Variants in SLC12A7 observed in about 807,000 individuals in gnomAD.
The protein encoded by SLC12A7 is K-Cl cotransporter 4.
Under a neutral mutation model 120.6 loss-of-function variants are expected in SLC12A7, and 100 were observed. The observed-to-expected ratio is 0.83, with a 90% CI of 0.71 to 0.98. The LOEUF is 0.98. SLC12A7 is among the 50% of genes least tolerant of loss of function. The pLI, the probability that SLC12A7 is intolerant of heterozygous loss-of-function variation, is 0.00. For synonymous variants in SLC12A7, 760 were observed against 678.0 expected (o/e 1.12, Z -1.88); for missense variants, 1,373 against 1,548.1 (o/e 0.89, Z 1.90).
At position 1,050,951 on chromosome 5, in the gene SLC12A7, C is replaced by A. The variant is rs1734969979; in HGVS notation, c.*1409G>T. 5 of 398,548 alleles carry A rather than the reference C, an allele frequency of 1.3e-5. No homozygotes were observed. Among genetic ancestry groups the A allele is most frequent in the Middle Eastern group, 6.2e-4 (1 of 1,610 alleles). The allele number at this position is 398,548 out of a possible 1,614,324, so 24.7% of individuals were successfully genotyped here. A position where few individuals can be genotyped will look rare whatever the true frequency, so the allele number is the denominator to read the frequency against. ...GATTCCCTTGGGAGACCATGCAAGCCAGACGTAGCCCAAGGCCTGGCCATC... is the reference window on the plus strand; with the variant it reads ...GATTCCCTTGGGAGACCATGCAAGCAAGACGTAGCCCAAGGCCTGGCCATC... On this transcript the variant is annotated 3_prime_UTR_variant, in exon 24 of 24. Coordinates refer to ENST00000264930, the MANE Select transcript of SLC12A7 (RefSeq NM_006598.3).
chr5:1,104,901 C>A (rs1463810856), intron 1 of SLC12A7, among the ~76,000 whole-genome samples: 2 of 152,270 alleles, frequency 1.3e-5, no homozygotes, highest in African/African-American at 4.8e-5. Context: ...CCCCGAGACC[C>A]CTGCAACGGC....
chr5:1,050,793 G>A lies in SLC12A7; in HGVS notation c.*1567C>T, dbSNP rs923262323. 9.8e-5 allele frequency: 39 copies of A among 398,464 alleles called. No homozygotes were observed. Among genetic ancestry groups the A allele is most frequent in the East Asian group, 3.6e-4 (10 of 28,066 alleles). The allele number at this position is 398,464 out of a possible 1,614,324, so 24.7% of individuals were successfully genotyped here. A position where few individuals can be genotyped will look rare whatever the true frequency, so the allele number is the denominator to read the frequency against. The stretch of plus-strand genomic sequence containing the variant: ...GAGGCTGTGGGAACTGCTGAGCCCC[G>A]CTGTGATGTCTGGGACACGCTCTGG... On this transcript the variant is annotated 3_prime_UTR_variant, in exon 24 of 24. Transcript: ENST00000264930.
At chr5:1,053,872 C>G (rs549423723) in intron 22 of SLC12A7, among the ~76,000 whole-genome samples, 1 of 152,258 alleles carries the variant, frequency 6.6e-6, no homozygotes. Context: ...AAGGCTGACA[C>G]GCTTCTCTTG....
intron 15 of SLC12A7, 29 bp downstream of exon 15, chr5:1,075,342 G>C (rs374931886): frequency 1.2e-6 from 2 of 1,601,886 alleles, no homozygotes; most frequent in Non-Finnish European, 1.7e-6. Context: ...CCGTGCGCCG[G>C]GTCTGTAAGG....
intron 4 of SLC12A7, 117 bp from the exon 5 acceptor site, chr5:1,088,477 G>A (rs1740134075): frequency 1.8e-6 from 2 of 1,102,378 alleles, no homozygotes; most frequent in Non-Finnish European, 1.3e-6. Context: ...CCCAACTCCA[G>A]GGCTCTCCAT....
intron 1 of SLC12A7, among the ~76,000 whole-genome samples, chr5:1,103,567 C>T (rs1742214738): frequency 6.6e-6 from 1 of 152,250 alleles, no homozygotes; most frequent in Non-Finnish European, 1.5e-5. Flanking sequence ...ACACAACACT[C>T]ACCTCGCAAA....
rs750984431 is a variant in SLC12A7, at chr5:1,085,361, G to A, written c.788C>T (p.Ala263Val). The A allele has an allele frequency of 2.5e-6, 4 of 1,612,480 alleles. No homozygotes were observed. The South Asian group carries it at 4.4e-5, about 18-fold the overall frequency. ...VYGTCTLVLM[A>V]LVVFVGVKYV... ...CTTGACGCCCACGAAGACCACCAGG[G>A]CCATGAGCACGAGCGTGCACGTGCC... The change falls in exon 7 of 24, where the codon GCC becomes GTC. Residue 263 changes from alanine (A) to valine (V), a missense_variant. Physicochemically the swap from Ala to Val is moderately conservative, Grantham distance 64. Transcript: ENST00000264930.
chr5:1,067,377 G>C lies in SLC12A7; in HGVS notation c.2242-1899C>G, dbSNP rs187956288. 4.1e-4 allele frequency among the ~76,000 whole-genome samples: 62 copies of C among 152,348 alleles called. 1 individual carries two copies. The East Asian group carries it at 0.011, about 27-fold the overall frequency. On this transcript the variant is annotated intron_variant, in intron 17 of 23. Transcript: ENST00000264930. The stretch of plus-strand genomic sequence containing the variant: ...GAAGGCACAGGGAAGCACCCGCATC[G>C]GGCGTCATGTGGGAAGAAGGCAGGA...
intron 3 of SLC12A7, 24 bp downstream of exon 3, chr5:1,093,509 C>T (rs1390749149): frequency 6.4e-7 from 1 of 1,567,162 alleles, no homozygotes. Context: ...GGGGACTGGG[C>T]GGGCACGGGC....
chr5:1,064,692 AGTGAGGGGACG>A (rs1187719352), intron 18 of SLC12A7, among the ~76,000 whole-genome samples: 1 of 148,476 alleles, frequency 6.7e-6, no homozygotes, highest in African/African-American at 2.5e-5. Context: ...GTGAAGGGAC[AGTGAGGGGACG>A]GTGAGGGGAC....
chr5:1,085,741 A>AGCGCACAGGCCG (rs1739795627), intron 6 of SLC12A7, among the ~76,000 whole-genome samples: 1 of 152,166 alleles, frequency 6.6e-6, no homozygotes, highest in Non-Finnish European at 1.5e-5. Flanking sequence ...CGCACAGGCC[A>AGCGCACAGGCCG]TGGACAGCCA....
intron 17 of SLC12A7, among the ~76,000 whole-genome samples, chr5:1,065,895 CCAG>C (rs1736997020): frequency 6.6e-6 from 1 of 151,842 alleles, no homozygotes; most frequent in Admixed American, 6.6e-5. Flanking sequence ...GCCGTGGGGT[CCAG>C]GATGCAGCAC....
chr5:1,118,563 G>A, the SLC12A7 span, among the ~76,000 whole-genome samples: 3 of 152,324 alleles, frequency 2.0e-5, no homozygotes, highest in South Asian at 2.1e-4. Context: ...TGCGAAGGCC[G>A]CCAAAGCCGT....
chr5:1,091,262 C>A (rs558381428), intron 3 of SLC12A7, among the ~76,000 whole-genome samples: 1 of 152,200 alleles, frequency 6.6e-6, no homozygotes, highest in Non-Finnish European at 1.5e-5. Flanking sequence ...ACAAACACAC[C>A]TGCCTGGACG....
At chr5:1,074,475 G>A (rs1738093804) in intron 16 of SLC12A7, 92 bp downstream of exon 16, 1 of 1,173,528 alleles carries the variant, frequency 8.5e-7, no homozygotes, top group Admixed American at 2.0e-5. Context: ...AAGGTGAGAG[G>A]CCCCTGAGAC....
chr5:1,140,049 C>T, the SLC12A7 span, among the ~76,000 whole-genome samples: 1 of 152,202 alleles, frequency 6.6e-6, no homozygotes, highest in Non-Finnish European at 1.5e-5. Context: ...TCCCAGGTCT[C>T]AGGGCATCAA....
At position 1,076,387 on chromosome 5, in the gene SLC12A7, T is replaced by C. The variant is rs980937828; in HGVS notation, c.1749-151A>G. The C allele has an allele frequency of 1.3e-4, 36 of 267,004 alleles. No homozygotes were observed. The African/African-American group carries it at 1.4e-3, about 11-fold the overall frequency. 16.5% of individuals were successfully genotyped at this position (267,004 alleles called of 1,614,324 possible). A position where few individuals can be genotyped will look rare whatever the true frequency, so the allele number is the denominator to read the frequency against. The stretch of plus-strand genomic sequence containing the variant: ...CTGCACGTGAGCTGACTCAGACTGA[T>C]TCCGAATCAGGCCCCCTCAGGTTCC... On this transcript the variant is annotated intron_variant, in intron 13 of 23. Transcript: ENST00000264930.
In SLC12A7 at chr5:1,077,886, C is replaced by T. The variant is rs530563208; in HGVS notation, c.1576G>A (p.Ala526Thr). 1.1e-5 allele frequency: 17 copies of T among 1,598,118 alleles called. No homozygotes were observed. Among genetic ancestry groups the T allele is most frequent in the Non-Finnish European group, 1.4e-5 (17 of 1,173,212 alleles). The change falls in exon 12 of 24, where the codon GCA (alanine) becomes ACA (threonine). Residue 526 changes from alanine (A) to threonine (T), a missense_variant. Coordinates refer to ENST00000264930, the MANE Select transcript of SLC12A7 (RefSeq NM_006598.3). ...GCAATGGCCTGCAGTAGGCGCGGTG[C>T]CCCCGTGAGGCTCTGCAGGCCGGCA... ...CGAGLQSLTG[A>T]PRLLQAIARD...
chr5:1,112,137 G>T, upstream of SLC12A7: 3 of 986,510 alleles, frequency 3.0e-6, no homozygotes, highest in Non-Finnish European at 3.9e-6. Flanking sequence ...CTTGCCCCGC[G>T]GCCCCACGAA....
Sources: gnomAD v4.1 joint callset for allele counts (sites outside exome capture counted in the v4.1 genomes callset) on GRCh38, gnomAD v4.1.1 for gene constraint, MANE v1.5 for transcripts, NCBI Gene and HGNC (gene_info 2026-07-23, HGNC 2026-07-21) for gene names.